FRMD3: variants seen among roughly 807,000 people sequenced by gnomAD.
FRMD3 encodes the protein FERM domain containing 3, also known as FERM domain-containing protein 3.
In FRMD3, 33 loss-of-function variants were observed where a neutral mutation model predicts 70.2. The ratio of observed to expected loss-of-function variants is 0.47; its 90% CI spans 0.36 to 0.63. FRMD3 has a LOEUF of 0.63. Ranked by LOEUF, FRMD3 falls within the 20% of genes least tolerant of loss-of-function variation. The pLI, the probability that FRMD3 is intolerant of heterozygous loss-of-function variation, is 0.00. For missense variants in FRMD3, 632 were observed against 711.4 expected (o/e 0.89, Z 1.27); for synonymous variants, 279 against 255.9 (o/e 1.09, Z -0.86).
At chr9:83,397,357 G>A (rs73648546) in intron 1 of FRMD3, among the ~76,000 whole-genome samples, 4,209 of 152,224 alleles carry the variant, frequency 0.028, 181 homozygotes, top group African/African-American at 0.089. Flanking sequence ...CTCAGAAAGC[G>A]ATCCTTGAAA....
intron 1 of FRMD3, among the ~76,000 whole-genome samples, chr9:83,473,093 C>T (rs1207392731): frequency 6.6e-6 from 1 of 152,158 alleles, no homozygotes; most frequent in East Asian, 1.9e-4. Flanking sequence ...TTATTATATT[C>T]CTCAAAGACT....
chr9:83,347,951 G>C (rs2131178660), intron 4 of FRMD3, among the ~76,000 whole-genome samples: 1 of 152,290 alleles, frequency 6.6e-6, no homozygotes, highest in East Asian at 1.9e-4. Flanking sequence ...TCATACCTGA[G>C]CTATTTAGTC....
chr9:83,465,038 AAGAAG>A (rs751476361), intron 1 of FRMD3, among the ~76,000 whole-genome samples: 1 of 87,002 alleles, frequency 1.1e-5, no homozygotes, highest in Non-Finnish European at 2.9e-5. Context: ...AAAAAAAAAA[AAGAAG>A]AAGAAGCAGC....
At chr9:83,448,574 C>T (rs142340478) in intron 1 of FRMD3, among the ~76,000 whole-genome samples, 3 of 152,136 alleles carry the variant, frequency 2.0e-5, no homozygotes, top group African/African-American at 4.8e-5. Context: ...AGCACCAGCT[C>T]GGTTTCCAAA....
intron 10 of FRMD3, among the ~76,000 whole-genome samples, chr9:83,304,143 T>G (rs1279772593): frequency 6.6e-6 from 1 of 152,230 alleles, no homozygotes; most frequent in African/African-American, 2.4e-5. Flanking sequence ...CATCATTTGA[T>G]GGACATTGGA....
chr9:83,335,426 T>A lies in FRMD3; in HGVS notation c.596+90A>T, dbSNP rs1280142713. The A allele has an allele frequency of 4.4e-6, 6 of 1,353,454 alleles. No individual in the cohort carries two copies. The Admixed American group carries it at 1.2e-4, about 26-fold the overall frequency. 83.8% of individuals were successfully genotyped at this position (1,353,454 alleles called of 1,614,324 possible). A position where few individuals can be genotyped will look rare whatever the true frequency, so the allele number is the denominator to read the frequency against. ...ACAGCCTATCCATACATTACAAATA[T>A]TCCTCCTTCACGATGTGATTTCCAC... On this transcript the variant is annotated intron_variant, in intron 6 of 13. Coordinates refer to ENST00000304195, the MANE Select transcript of FRMD3 (RefSeq NM_174938.6).
At chr9:83,446,625 C>T (rs1000623615) in intron 1 of FRMD3, among the ~76,000 whole-genome samples, 17 of 123,972 alleles carry the variant, frequency 1.4e-4, no homozygotes, top group African/African-American at 3.5e-4. Flanking sequence ...CCAGCCTGGG[C>T]GACAGAGCAA....
intron 13 of FRMD3, among the ~76,000 whole-genome samples, chr9:83,274,883 ACTT>A (rs1833744503): frequency 6.6e-6 from 1 of 152,190 alleles, no homozygotes; most frequent in African/African-American, 2.4e-5. Context: ...GGTGGTTAGG[ACTT>A]CTTCTGAGAT....
chr9:83,481,516 G>A (rs903643926), intron 1 of FRMD3, among the ~76,000 whole-genome samples: 5 of 152,048 alleles, frequency 3.3e-5, no homozygotes, highest in Admixed American at 1.3e-4. Flanking sequence ...ATGAAAGAAC[G>A]ATTAACATAT....
At chr9:83,565,136 T>C in the FRMD3 span, among the ~76,000 whole-genome samples, 1 of 152,138 alleles carries the variant, frequency 6.6e-6, no homozygotes, top group Admixed American at 6.5e-5. Flanking sequence ...AGGTACACAA[T>C]TGTTCCAGTT....
chr9:83,487,752 G>A (rs1587462600), intron 1 of FRMD3, among the ~76,000 whole-genome samples: 1 of 152,122 alleles, frequency 6.6e-6, no homozygotes, highest in South Asian at 2.1e-4. Flanking sequence ...CAATGAAGAG[G>A]CTTAGGAAAA....
the FRMD3 span, among the ~76,000 whole-genome samples, chr9:83,546,123 A>G: frequency 4.3e-3 from 648 of 151,650 alleles, 6 homozygotes; most frequent in African/African-American, 0.015. Flanking sequence ...TTGAGAGGCC[A>G]AGGTGGGTGG....
rs375138270 is a variant in FRMD3, at chr9:83,309,178, G to C, written c.926+358C>G. Among the ~76,000 whole-genome samples the C allele has an allele frequency of 1.2e-3, 180 of 151,514 alleles. 2 individuals carry two copies. Among genetic ancestry groups the C allele is most frequent in the African/African-American group, 3.9e-3 (160 of 41,250 alleles). On this transcript the variant is annotated intron_variant, in intron 10 of 13. Coordinates refer to ENST00000304195, the MANE Select transcript of FRMD3 (RefSeq NM_174938.6). ...AGCTACTTGTACCAAACTATCTCAAGGTCTGCTTTGTGGGGGTGGGGGGAG... is the reference window on the plus strand; with the variant it reads ...AGCTACTTGTACCAAACTATCTCAACGTCTGCTTTGTGGGGGTGGGGGGAG...
rs771010858 is a variant in FRMD3, at chr9:83,248,461, T to C, written c.1251A>G (p.Pro417=). 3.1e-6 allele frequency: 5 copies of C among 1,613,706 alleles called. No homozygotes were observed. The highest frequency in any genetic ancestry group is 1.6e-4 in the Middle Eastern group (1 of 6,062). ...CTTCATACTCCCGGGCTGCCTTCAC[T>C]GGGGAGCTGGAGATCAAGGGAGCAG... ...NISAPLISSS[P]VKAAREYEDP... is the part of the protein sequence containing the mutation. The change falls in exon 14 of 14, where the codon CCA becomes CCG. Residue 417 remains proline (P), a synonymous_variant. Coordinates refer to ENST00000304195, the MANE Select transcript of FRMD3 (RefSeq NM_174938.6).
chr9:83,428,524 C>T (rs1286529651), intron 1 of FRMD3, among the ~76,000 whole-genome samples: 2 of 151,400 alleles, frequency 1.3e-5, no homozygotes, highest in Non-Finnish European at 2.9e-5. Flanking sequence ...CACACACACA[C>T]ATATATATAC....
chr9:83,533,060 T>C (rs1386974925), intron 1 of FRMD3, among the ~76,000 whole-genome samples: 2 of 152,180 alleles, frequency 1.3e-5, no homozygotes, highest in Non-Finnish European at 2.9e-5. Flanking sequence ...ATAATAAGTG[T>C]CCTTATTATT....
intron 3 of FRMD3, among the ~76,000 whole-genome samples, chr9:83,371,836 C>A (rs555538876): frequency 6.6e-6 from 1 of 152,034 alleles, no homozygotes; most frequent in South Asian, 2.1e-4. Context: ...AGAAAAGGAC[C>A]AAGGGAAGGA....
chr9:83,536,363 T>G (rs1040191839), intron 1 of FRMD3, among the ~76,000 whole-genome samples: 3 of 152,042 alleles, frequency 2.0e-5, no homozygotes, highest in Non-Finnish European at 4.4e-5. Context: ...GGGAAAAAAA[T>G]GTCAACACCA....
chr9:83,462,594 G>GT (rs1213296792), intron 1 of FRMD3, among the ~76,000 whole-genome samples: 1 of 152,086 alleles, frequency 6.6e-6, no homozygotes, highest in Non-Finnish European at 1.5e-5. Context: ...CGCTTTCCAG[G>GT]TTCCTGGAAT....
Sources: allele counts gnomAD v4.1 joint callset (sites outside exome capture counted in the v4.1 genomes callset), GRCh38; gene constraint gnomAD v4.1.1; transcripts MANE v1.5; gene names NCBI Gene and HGNC (gene_info 2026-07-23, HGNC 2026-07-21).